The following ARHGEF2 variants were observed in gnomAD, a reference collection of about 807,000 sequenced individuals.
ARHGEF2 encodes rho guanine nucleotide exchange factor 2.
A neutral mutation model predicts 121.0 loss-of-function variants in ARHGEF2; 22 were observed. That is an observed-to-expected ratio of 0.18 (90% confidence interval 0.13 to 0.26). The LOEUF (loss-of-function observed/expected upper bound fraction) is 0.26, where lower values mean the gene tolerates loss of function less well. ARHGEF2 is among the 10% of genes least tolerant of loss of function. The pLI, the probability that ARHGEF2 is intolerant of heterozygous loss-of-function variation, is 1.00. For synonymous variants in ARHGEF2, 487 were observed against 530.0 expected, an observed-to-expected ratio of 0.92 and a Z score of 1.11; for missense variants, 907 against 1,336.0, an observed-to-expected ratio of 0.68 and a Z score of 5.01.
At chr1:155,948,815 GTC>G (rs1241880707) in intron 21 of ARHGEF2, among the ~76,000 whole-genome samples, 1 of 152,090 alleles carries the variant, frequency 6.6e-6, no homozygotes, top group East Asian at 1.9e-4. Context: ...GGGTCTCCGG[GTC>G]TCTTTCTGTC....
chr1:155,962,998 C>A lies in ARHGEF2; in HGVS notation c.910G>T (p.Ala304Ser). The stretch of plus-strand genomic sequence containing the variant: ...TTCCGGGTGCTGCCAGGGCACAGGG[C>A]CTGGCGTCGGCGTTCTAATAGCTGG... ...LSQLLERRRQ[A>S]LCPGSTRNFV... Residue 304 changes from alanine to serine, a missense_variant, in exon 8 of 22, where the codon GCC becomes TCC. Coordinates refer to ENST00000361247, the MANE Select transcript of ARHGEF2 (RefSeq NM_001162383.2). The surrounding 1 kb of genome is among the most constrained non-coding windows in gnomAD (Gnocchi z 5.8). 6.2e-7 allele frequency: 1 copy of A among 1,614,178 alleles called. No individual in the cohort carries two copies. Among genetic ancestry groups the A allele is most frequent in the Non-Finnish European group, 8.5e-7 (1 of 1,180,028 alleles).
At chr1:155,972,422 T>C (rs1189534218) in intron 1 of ARHGEF2, 1 of 409,850 alleles carries the variant, frequency 2.4e-6, no homozygotes, top group African/African-American at 2.0e-5. Context: ...CTTCTGAGGA[T>C]GGAAGGACAT....
In ARHGEF2 at chr1:155,959,690, G is replaced by A. The variant is rs370751093; in HGVS notation, c.1469-1294C>T. Among the ~76,000 whole-genome samples, 13 of 152,140 alleles carry A rather than the reference G, an allele frequency of 8.5e-5. No individual in the cohort carries two copies. The East Asian group carries it at 2.5e-3, about 29-fold the overall frequency. ...CTCCCAAGTAGCTGTGGCTACAGGT[G>A]AATGCTGCCATGCCTGGCTAATTTT... On this transcript the variant is annotated intron_variant, in intron 11 of 21. Coordinates refer to ENST00000361247, the MANE Select transcript of ARHGEF2 (RefSeq NM_001162383.2).
At chr1:155,964,167 A>AAAAAT (rs1553244640) in intron 7 of ARHGEF2, among the ~76,000 whole-genome samples, 2 of 91,240 alleles carry the variant, frequency 2.2e-5, no homozygotes, top group African/African-American at 1.2e-4. Context: ...AAAAAAAAAA[A>AAAAAT]ATATATATAT....
chr1:155,957,647 G>T, intron 13 of ARHGEF2, 66 bp downstream of exon 13: 2 of 1,511,066 alleles, frequency 1.3e-6, no homozygotes, highest in Non-Finnish European at 1.8e-6. Context: ...GAGTTCTATG[G>T]TTGGGATCTA....
chr1:155,957,963 G>A (rs928271444), intron 12 of ARHGEF2, 81 bp from the exon 13 acceptor site: 2 of 1,354,162 alleles, frequency 1.5e-6, no homozygotes, highest in Non-Finnish European at 1.0e-6. Context: ...TTCTGGACGA[G>A]GACTGAAAGG....
chr1:155,963,226 C>CTA, intron 7 of ARHGEF2, 43 bp from the exon 8 acceptor site: 1 of 1,589,820 alleles, frequency 6.3e-7, no homozygotes, highest in Non-Finnish European at 8.5e-7. Context: ...CCTGGCTTGG[C>CTA]TAAAACTCGT....
chr1:155,979,502 A>T (rs993401463), upstream of ARHGEF2, among the ~76,000 whole-genome samples: 1 of 152,186 alleles, frequency 6.6e-6, no homozygotes, highest in Non-Finnish European at 1.5e-5. Context: ...TCTAACTATG[A>T]TCACTTACAG....
chr1:155,952,587 T>A (rs764123710), intron 15 of ARHGEF2, 41 bp downstream of exon 15: 22 of 1,567,566 alleles, frequency 1.4e-5, no homozygotes, highest in Non-Finnish European at 1.9e-5. Flanking sequence ...TCTGTGACGG[T>A]GAGTGCTTGA....
At position 155,957,868 on chromosome 1, in the gene ARHGEF2, C is replaced by T. The variant is rs777681149; in HGVS notation, c.1560G>A (p.Val520=). Residue 520 remains valine (V), a synonymous_variant, in exon 13 of 22, where the codon GTG becomes GTA. Transcript: ENST00000361247. ...GTACGATTAGATTCTGCAGCGATAC[C>T]ACTGAAGGCTTGTCCTGCCAGTCAG... ...YIFPTLDKPS[V]VSLQNLIVRD... The T allele has an allele frequency of 1.8e-5, 29 of 1,613,614 alleles. No homozygotes were observed. Among genetic ancestry groups the T allele is most frequent in the Non-Finnish European group, 2.3e-5 (27 of 1,179,830 alleles).
chr1:155,960,783 C>T (rs1389918576), intron 11 of ARHGEF2, among the ~76,000 whole-genome samples: 2 of 152,148 alleles, frequency 1.3e-5, no homozygotes, highest in African/African-American at 4.8e-5. Flanking sequence ...TCCTATTGTC[C>T]CTCACATCTC....
At chr1:155,969,082 C>A in intron 2 of ARHGEF2, 74 bp downstream of exon 2, 33 of 1,570,970 alleles carry the variant, frequency 2.1e-5, no homozygotes, top group Non-Finnish European at 2.9e-5. Flanking sequence ...TGGATCCAGG[C>A]AGAAAAAACA....
At chr1:155,953,028 G>T (rs534141352) in intron 14 of ARHGEF2, among the ~76,000 whole-genome samples, 200 bp from the exon 15 acceptor site, 51 of 152,290 alleles carry the variant, frequency 3.3e-4, no homozygotes, top group Non-Finnish European at 5.1e-4. Flanking sequence ...ACTTTGGGAG[G>T]CCAAGGCAGG....
At position 155,951,729 on chromosome 1, in the gene ARHGEF2, T is replaced by A; in HGVS notation, c.2208+12A>T. 1 of 1,614,102 alleles carries A rather than the reference T, an allele frequency of 6.2e-7. No individual in the cohort carries two copies. The highest frequency in any genetic ancestry group is 1.1e-5 in the South Asian group (1 of 91,084). ...TCCCTTCAGTCTCCTATACCATCAATTCCCATCTCACCTCTTGCGGTGATC... is the reference window on the plus strand; with the variant it reads ...TCCCTTCAGTCTCCTATACCATCAAATCCCATCTCACCTCTTGCGGTGATC... On this transcript the variant is annotated intron_variant, in intron 18 of 21. Transcript: ENST00000361247. The surrounding 1 kb of genome is among the most constrained non-coding windows in gnomAD (Gnocchi z 5.1).
rs1558031128 is a variant in ARHGEF2 at position 155,964,178 on chromosome 1, A to ATGTG, written c.724+809_724+810insCACA. Among the ~76,000 whole-genome samples the ATGTG allele has an allele frequency of 3.2e-3, 319 of 101,070 alleles. 3 individuals are homozygous for ATGTG. The highest frequency in any genetic ancestry group is 4.8e-3 in the Non-Finnish European group (254 of 52,566). The allele number at this position is 101,070 out of a possible 152,430, so 66.3% of individuals were successfully genotyped here. On this transcript the variant is annotated intron_variant, in intron 7 of 21. Transcript: ENST00000361247. ...AAAAAAAAAAAAAAAATATATATATATATATATATATATATATATACATAT... is the reference window on the plus strand; with the variant it reads ...AAAAAAAAAAAAAAAATATATATATATGTGTATATATATATATATATATACATAT...
At chr1:155,958,523 T>G in intron 11 of ARHGEF2, 127 bp from the exon 12 acceptor site, 1 of 651,298 alleles carries the variant, frequency 1.5e-6, no homozygotes, top group Non-Finnish European at 2.7e-6. Flanking sequence ...CTGGCCTCTC[T>G]TCCCTCTGGC....
intron 14 of ARHGEF2, among the ~76,000 whole-genome samples, chr1:155,954,534 C>T (rs1676258211): frequency 6.6e-6 from 1 of 150,724 alleles, no homozygotes; most frequent in African/African-American, 2.4e-5. Context: ...GTGATCCGCC[C>T]ACCTCGGCCT....
intron 1 of ARHGEF2, among the ~76,000 whole-genome samples, chr1:155,971,487 G>A (rs1409171847): frequency 6.8e-6 from 1 of 147,700 alleles, no homozygotes; most frequent in Admixed American, 7.1e-5. Context: ...GCTGAGGCAG[G>A]AGAATTGCTT....
At chr1:155,968,948 T>C in intron 2 of ARHGEF2, 1 of 589,934 alleles carries the variant, frequency 1.7e-6, no homozygotes, top group Non-Finnish European at 2.9e-6. Flanking sequence ...CATTCCCAGA[T>C]AGTCCGGCTT....
Sources: allele counts gnomAD v4.1 joint callset (sites outside exome capture counted in the v4.1 genomes callset), GRCh38; gene constraint gnomAD v4.1.1; non-coding constraint Gnocchi (gnomAD v3.1); transcripts MANE v1.5; gene names NCBI Gene and HGNC (gene_info 2026-07-23, HGNC 2026-07-21).